The following ADCY9 variants were observed in gnomAD, a reference collection of about 807,000 sequenced individuals.
ADCY9 encodes adenylate cyclase 9, also known as adenylate cyclase type 9.
In ADCY9, 50 loss-of-function variants were observed where a neutral mutation model predicts 101.5. The ratio of observed to expected loss-of-function variants is 0.49; its 90% CI spans 0.39 to 0.62. The LOEUF (loss-of-function observed/expected upper bound fraction) is 0.62. Among genes scored for constraint, ADCY9 ranks in the 20% least tolerant of loss-of-function variants. ADCY9 has a pLI of 0.00. For missense variants in ADCY9, 1,662 were observed against 1,800.4 expected (o/e 0.92, Z 1.39); for synonymous variants, 905 against 769.3 (o/e 1.18, Z -2.92).
At position 3,965,395 on chromosome 16, in the gene ADCY9, C is replaced by T. The variant is rs192374494; in HGVS notation, c.*380G>A. 1.6e-5 allele frequency: 4 copies of T among 248,966 alleles called. No homozygotes were observed. Among genetic ancestry groups the T allele is most frequent in the East Asian group, 9.5e-5 (1 of 10,516 alleles). The allele number at this position is 248,966 out of a possible 1,614,324, so 15.4% of individuals were successfully genotyped here. ...GAACCGAAAATAGTGTCTCGTGGGA[C>T]GTGGGAAAAAGCAATAAAAATGAGA... On this transcript the variant is annotated 3_prime_UTR_variant, in exon 11 of 11. Transcript: ENST00000294016.
At chr16:4,019,952 C>A (rs1009992711) in intron 2 of ADCY9, among the ~76,000 whole-genome samples, 1 of 152,104 alleles carries the variant, frequency 6.6e-6, no homozygotes, top group African/African-American at 2.4e-5. Context: ...GTGGCGGGAG[C>A]CTGTAATCCC....
At chr16:3,977,373 T>A in intron 9 of ADCY9, 109 bp downstream of exon 9, 8 of 1,394,208 alleles carry the variant, frequency 5.7e-6, no homozygotes, top group Non-Finnish European at 6.8e-6. Context: ...TGATGGGAAA[T>A]ATCTCTATCG....
intron 2 of ADCY9, among the ~76,000 whole-genome samples, chr16:4,034,734 T>A (rs1192260048): frequency 6.6e-6 from 1 of 152,170 alleles, no homozygotes; most frequent in Non-Finnish European, 1.5e-5. Flanking sequence ...TCCTTTTACA[T>A]TCTATCTGAG....
At chr16:3,977,043 C>T (rs988786119) in intron 9 of ADCY9, among the ~76,000 whole-genome samples, 3 of 152,190 alleles carry the variant, frequency 2.0e-5, no homozygotes, top group African/African-American at 2.4e-5. Context: ...TGACCTGTCC[C>T]GGTTCATGAA....
intron 2 of ADCY9, among the ~76,000 whole-genome samples, chr16:4,073,623 T>G (rs559924911): frequency 5.9e-5 from 9 of 152,324 alleles, no homozygotes; most frequent in Admixed American, 4.6e-4. Context: ...CTTGAACTCC[T>G]GACTGCAGGT....
At chr16:4,112,239 GGCA>G (rs1324701808) in intron 2 of ADCY9, among the ~76,000 whole-genome samples, 3 of 152,284 alleles carry the variant, frequency 2.0e-5, no homozygotes, top group Admixed American at 2.0e-4. Context: ...CACTCATCAC[GGCA>G]GCATCTTTCA....
rs570467495 is a variant in ADCY9, at chr16:4,011,811, T to A, written c.1694-4253A>T. Reference sequence around the variant, plus strand: ...TCATCGCTGCCTCTCAGTTTCCTCATCTCTAAGGGGAGGACAGGAGCAGGG... The same window carrying A: ...TCATCGCTGCCTCTCAGTTTCCTCAACTCTAAGGGGAGGACAGGAGCAGGG... On this transcript the variant is annotated intron_variant, in intron 2 of 10. Coordinates refer to ENST00000294016, the MANE Select transcript of ADCY9 (RefSeq NM_001116.4). Among the ~76,000 whole-genome samples, 566 of 151,972 alleles carry A rather than the reference T, an allele frequency of 3.7e-3. 2 individuals carry two copies. Among genetic ancestry groups the A allele is most frequent in the Non-Finnish European group, 6.0e-3 (408 of 67,972 alleles).
In ADCY9 at chr16:4,114,675, G is replaced by A. The variant is rs72556387; in HGVS notation, c.768C>T (p.Phe256=). ...LCLGVAYSVL[F]ETFGYHFRDE... is the part of the protein sequence containing the mutation. ...CCCGGAAATGGTAGCCAAAGGTCTC[G>A]AAAAGGACAGAGTAGGCCACCCCCA... The change falls in exon 2 of 11, where the codon TTC becomes TTT. Residue 256 remains phenylalanine, a synonymous_variant. Transcript: ENST00000294016. This position sits in a 1 kb window ranked among gnomAD's most constrained non-coding sequence, Gnocchi z 4.3. 3.7e-6 allele frequency: 6 copies of A among 1,613,244 alleles called. No individual in the cohort carries two copies. The highest frequency in any genetic ancestry group is 1.1e-5 in the South Asian group (1 of 91,084).
At position 3,966,284 on chromosome 16, in the gene ADCY9, C is replaced by T. The variant is rs1206521304; in HGVS notation, c.3553G>A (p.Asp1185Asn). ...ATGTTGACGGTGTCTCCCCAGATGT[C>T]GTACAGCAGCTTGGTGGTGCCGATG... ...GVIGTTKLLY[D>N]IWGDTVNIAS... The change falls in exon 11 of 11, where the codon GAC becomes AAC. Residue 1185 changes from aspartate (D) to asparagine (N), a missense_variant. Physicochemically the swap from Asp to Asn is conservative, Grantham distance 23. This residue lies in a region of ADCY9 where 220 missense variants were observed against 312.9 expected (regional missense o/e 0.70). Coordinates refer to ENST00000294016, the MANE Select transcript of ADCY9 (RefSeq NM_001116.4). The T allele has an allele frequency of 1.9e-6, 3 of 1,614,060 alleles. No individual in the cohort carries two copies. Among genetic ancestry groups the T allele is most frequent in the African/African-American group, 1.3e-5 (1 of 74,932 alleles).
At position 4,115,610 on chromosome 16, in the gene ADCY9, T is replaced by A; in HGVS notation, c.-44+80A>T. 1 of 808,804 alleles carries A rather than the reference T, an allele frequency of 1.2e-6. No homozygotes were observed. The highest frequency in any genetic ancestry group is 1.9e-6 in the Non-Finnish European group (1 of 533,350). 50.1% of individuals were successfully genotyped at this position (808,804 alleles called of 1,614,324 possible). A position where few individuals can be genotyped will look rare whatever the true frequency, so the allele number is the denominator to read the frequency against. On this transcript the variant is annotated intron_variant, in intron 1 of 10. Transcript: ENST00000294016. The surrounding 1 kb of genome is among the most constrained non-coding windows in gnomAD (Gnocchi z 6.2). Reference sequence around the variant, plus strand: ...GACCTGGACAGGCACCATCTGTTCCTGTGGTTCCCGGCTCAGCGGTGCTCC... The same window carrying A: ...GACCTGGACAGGCACCATCTGTTCCAGTGGTTCCCGGCTCAGCGGTGCTCC...
At chr16:4,107,550 CAAAAAAAAAAA>C (rs61565312) in intron 2 of ADCY9, among the ~76,000 whole-genome samples, 1,913 of 72,844 alleles carry the variant, frequency 0.026, 41 homozygotes, top group South Asian at 0.052. Context: ...GACTCTGTCT[CAAAAAAAAAAA>C]AAAAAAAAAA....
chr16:3,987,310 A>T (rs1017137479), intron 6 of ADCY9, among the ~76,000 whole-genome samples: 8 of 152,230 alleles, frequency 5.3e-5, no homozygotes, highest in Non-Finnish European at 7.3e-5. Context: ...CTGGCAGAGC[A>T]GAGGCTGAGC....
At chr16:4,082,709 C>CGCAT (rs939763159) in intron 2 of ADCY9, among the ~76,000 whole-genome samples, 3 of 87,956 alleles carry the variant, frequency 3.4e-5, no homozygotes, top group Non-Finnish European at 7.5e-5. Context: ...TGCACACCCA[C>CGCAT]GCATGCACGC....
At chr16:4,039,441 G>A (rs1188147070) in intron 2 of ADCY9, among the ~76,000 whole-genome samples, 2 of 152,118 alleles carry the variant, frequency 1.3e-5, no homozygotes, top group Admixed American at 1.3e-4. Flanking sequence ...CACTTTGGGA[G>A]GCTGAGGCAG....
At chr16:4,107,697 A>G (rs1262609777) in intron 2 of ADCY9, among the ~76,000 whole-genome samples, 2 of 151,882 alleles carry the variant, frequency 1.3e-5, no homozygotes, top group African/African-American at 4.8e-5. Flanking sequence ...GGGGGAAGGA[A>G]GGGGAACACC....
chr16:3,989,133 G>A (rs1247652238), intron 5 of ADCY9, 37 bp from the exon 6 acceptor site: 2 of 1,460,512 alleles, frequency 1.4e-6, no homozygotes, highest in Admixed American at 1.7e-5. Flanking sequence ...TCAATACCCA[G>A]CACCATAACT....
chr16:4,083,317 T>G (rs2056917398), intron 2 of ADCY9, among the ~76,000 whole-genome samples: 1 of 152,302 alleles, frequency 6.6e-6, no homozygotes, highest in African/African-American at 2.4e-5. Flanking sequence ...TACAAAAGTG[T>G]CTTTCCACTA....
intron 2 of ADCY9, among the ~76,000 whole-genome samples, chr16:4,080,054 G>T: frequency 6.6e-6 from 1 of 151,970 alleles, no homozygotes; most frequent in East Asian, 1.9e-4. Context: ...AATCTAAAAA[G>T]CTCAAACAGG....
chr16:4,013,244 T>G (rs2056415287), intron 2 of ADCY9, among the ~76,000 whole-genome samples: 1 of 52,312 alleles, frequency 1.9e-5, no homozygotes, highest in South Asian at 1.3e-3. Flanking sequence ...TGAGACCCTG[T>G]CTCAAAAAAA....
Sources: allele counts gnomAD v4.1 joint callset (sites outside exome capture counted in the v4.1 genomes callset), GRCh38; gene constraint gnomAD v4.1.1; regional missense constraint gnomAD v4.1.1; non-coding constraint Gnocchi (gnomAD v3.1); transcripts MANE v1.5; gene names NCBI Gene and HGNC (gene_info 2026-07-23, HGNC 2026-07-21).